NAV2: variants seen among roughly 807,000 people sequenced by gnomAD.
NAV2 encodes the protein helicase, APC down-regulated 1.
In NAV2, 54 loss-of-function variants were observed where a neutral mutation model predicts 223.2. The ratio of observed to expected loss-of-function variants is 0.24; its 90% CI spans 0.19 to 0.30. NAV2 has a LOEUF of 0.30. Among genes scored for constraint, NAV2 ranks in the 10% least tolerant of loss-of-function variants. The probability of loss-of-function intolerance (pLI) is 1.00; values close to 1 mark genes in which losing one functional copy is unlikely to be tolerated. For synonymous variants in NAV2, 1,279 were observed against 1,239.3 expected (o/e 1.03, Z -0.67); for missense variants, 2,806 against 3,147.5 (o/e 0.89, Z 2.60).
intron 10 of NAV2, among the ~76,000 whole-genome samples, chr11:19,957,674 G>A (rs4757868): frequency 0.98 from 148,729 of 152,184 alleles, 72,783 homozygotes; most frequent in Middle Eastern, 1. Context: ...AGAAAGAATA[G>A]CTGAGCTGCT....
chr11:19,795,789 G>T (rs1443331893), intron 1 of NAV2, among the ~76,000 whole-genome samples: 2 of 152,192 alleles, frequency 1.3e-5, no homozygotes, highest in African/African-American at 2.4e-5. Flanking sequence ...ATCTGCCTTT[G>T]TCCTTCCAGT....
At chr11:19,390,701 G>A (rs188416246) in intron 1 of NAV2, among the ~76,000 whole-genome samples, 1 of 152,140 alleles carries the variant, frequency 6.6e-6, no homozygotes, top group Non-Finnish European at 1.5e-5. Flanking sequence ...GTGGTGAAGG[G>A]GAGGGGAGGG....
intron 1 of NAV2, among the ~76,000 whole-genome samples, chr11:19,631,269 A>G (rs1439300144): frequency 8.5e-6 from 1 of 117,642 alleles, no homozygotes; most frequent in Non-Finnish European, 1.8e-5. Flanking sequence ...CCCCCACCCC[A>G]CAACAGTCCC....
chr11:19,493,788 G>C (rs2042706594), intron 1 of NAV2, among the ~76,000 whole-genome samples: 1 of 152,212 alleles, frequency 6.6e-6, no homozygotes, highest in Non-Finnish European at 1.5e-5. Flanking sequence ...CTCTGACCTG[G>C]AGGAAGTGCT....
Position 19,401,089 on chromosome 11 carries a change from G to A in NAV2, c.75+50062G>A, listed in dbSNP as rs141135170. On this transcript the variant is annotated intron_variant, in intron 1 of 37. Coordinates refer to the NAV2 transcript ENST00000360655. Reference sequence around the variant, plus strand: ...ATTGGAGATCAAAATAGAGCCTAATGGATTTAGGAAACAATCAATGCTCTC... The same window carrying A: ...ATTGGAGATCAAAATAGAGCCTAATAGATTTAGGAAACAATCAATGCTCTC... Among the ~76,000 whole-genome samples, 438 of 152,282 alleles carry A rather than the reference G, an allele frequency of 2.9e-3. 4 individuals are homozygous for A. Among genetic ancestry groups the A allele is most frequent in the African/African-American group, 0.01 (417 of 41,558 alleles).
rs555704511 is a variant in NAV2 at position 19,715,928 on chromosome 11, G to A, written c.267+1966G>A. The stretch of plus-strand genomic sequence containing the variant: ...CCTGCCCTCGTTTGCCAGTGCCCAG[G>A]GGTTCTGGGGGCTCTTCCCTGTGGC... On this transcript the variant is annotated intron_variant, in intron 1 of 37. Transcript: ENST00000349880. Among the ~76,000 whole-genome samples, 11 of 152,282 alleles carry A rather than the reference G, an allele frequency of 7.2e-5. No individual in the cohort carries two copies. In the East Asian group the frequency reaches 1.9e-3, roughly 27 times the overall value.
chr11:19,593,413 ATGAC>A, intron 1 of NAV2, among the ~76,000 whole-genome samples: 1 of 151,944 alleles, frequency 6.6e-6, no homozygotes, highest in Middle Eastern at 3.4e-3. Context: ...CCACTGATAC[ATGAC>A]TGACTGACAG....
At chr11:19,470,788 C>A (rs1429017858) in intron 1 of NAV2, among the ~76,000 whole-genome samples, 1 of 152,178 alleles carries the variant, frequency 6.6e-6, no homozygotes, top group East Asian at 1.9e-4. Context: ...AGTGGAAGAA[C>A]TACAGACTTG....
chr11:19,572,253 C>T (rs369941345), intron 1 of NAV2, among the ~76,000 whole-genome samples: 2 of 152,196 alleles, frequency 1.3e-5, no homozygotes, highest in South Asian at 2.1e-4. Context: ...GTCCAGGGTC[C>T]GTGTCGCTGA....
chr11:19,694,198 C>T (rs7934328), intron 1 of NAV2, among the ~76,000 whole-genome samples: 1,994 of 152,288 alleles, frequency 0.013, 48 homozygotes, highest in African/African-American at 0.045. Flanking sequence ...GACAGGGATA[C>T]AGCCAAGCAA....
rs2059836703 is a variant in NAV2 at position 20,077,509 on chromosome 11, G to A, written c.4984-43G>A. The A allele has an allele frequency of 2.7e-6, 4 of 1,482,492 alleles. No homozygotes were observed. The African/African-American group carries it at 4.2e-5, about 15-fold the overall frequency. The allele number at this position is 1,482,492 out of a possible 1,614,324, so 91.8% of individuals were successfully genotyped here. On this transcript the variant is annotated intron_variant, in intron 22 of 37. Transcript: ENST00000349880. The stretch of plus-strand genomic sequence containing the variant: ...AGCCAGACACCTTCTAAGCACTCTT[G>A]CCTTGCAAGGTAATATAACTGAGGT...
chr11:19,733,495 G>A (rs1171822690), intron 1 of NAV2, among the ~76,000 whole-genome samples: 1 of 152,162 alleles, frequency 6.6e-6, no homozygotes, highest in African/African-American at 2.4e-5. Context: ...TTGCCTTCAG[G>A]TTCTGCTAAG....
chr11:19,885,661 T>C (rs1434006729), intron 5 of NAV2, among the ~76,000 whole-genome samples: 2 of 152,234 alleles, frequency 1.3e-5, no homozygotes, highest in Non-Finnish European at 2.9e-5. Flanking sequence ...CATTTTAGTA[T>C]ACATATCTAT....
chr11:19,927,704 A>AAAACG (rs1280094849), intron 6 of NAV2, among the ~76,000 whole-genome samples: 4 of 151,202 alleles, frequency 2.6e-5, no homozygotes, highest in African/African-American at 7.4e-5. Flanking sequence ...AAAACAAAAC[A>AAAACG]AAACAAAACA....
chr11:20,018,440 A>G (rs560142155), intron 11 of NAV2, among the ~76,000 whole-genome samples: 50 of 151,692 alleles, frequency 3.3e-4, no homozygotes, highest in Admixed American at 1.4e-3. Context: ...TATGGACAGG[A>G]TTCAGGGGAT....
chr11:20,039,027 G>A lies in NAV2; in HGVS notation c.2907+2930G>A, dbSNP rs534637263. On this transcript the variant is annotated intron_variant, in intron 12 of 37. Transcript: ENST00000349880. ...GCCCCCCACAGAGCACAGGTGCCCA[G>A]CTGTCCAGCATCAGCTCCTGTGCCC... 8.5e-5 allele frequency among the ~76,000 whole-genome samples: 13 copies of A among 152,306 alleles called. No individual in the cohort carries two copies. The East Asian group carries it at 2.3e-3, about 27-fold the overall frequency.
chr11:19,820,462 T>C (rs1253631941), intron 1 of NAV2, among the ~76,000 whole-genome samples: 1 of 152,096 alleles, frequency 6.6e-6, no homozygotes, highest in African/African-American at 2.4e-5. Context: ...TTGGAGAGAG[T>C]GGGAGGAAGT....
intron 15 of NAV2, 87 bp downstream of exon 15, chr11:20,049,282 A>G: frequency 1.0e-6 from 1 of 994,940 alleles, no homozygotes; most frequent in Non-Finnish European, 1.5e-6. Flanking sequence ...AATGTCGAAT[A>G]GCCTTTGCCT....
chr11:19,416,768 A>C (rs2729928), intron 1 of NAV2, among the ~76,000 whole-genome samples: 24 of 151,940 alleles, frequency 1.6e-4, no homozygotes, highest in Non-Finnish European at 3.4e-4. Context: ...ATGGAACAGA[A>C]CAGAGGCCTC....
Sources: allele counts gnomAD v4.1 joint callset (sites outside exome capture counted in the v4.1 genomes callset), GRCh38; gene constraint gnomAD v4.1.1; transcripts MANE v1.5; gene names NCBI Gene and HGNC (gene_info 2026-07-23, HGNC 2026-07-21).